TMEM135: variants seen among roughly 807,000 people sequenced by gnomAD.
The protein encoded by TMEM135 is peroxisomal membrane protein 52.
Under a neutral mutation model 60.3 loss-of-function variants are expected in TMEM135, and 30 were observed. The observed-to-expected ratio is 0.50, with a 90% CI of 0.37 to 0.68. The LOEUF (loss-of-function observed/expected upper bound fraction) is 0.68. Among genes scored for constraint, TMEM135 ranks in the 30% least tolerant of loss-of-function variants. TMEM135 has a pLI of 0.00. For missense variants in TMEM135, 468 were observed against 548.8 expected (o/e 0.85, Z 1.47); for synonymous variants, 190 against 186.7 (o/e 1.02, Z -0.14).
chr11:87,129,536 C>G, intron 4 of TMEM135, among the ~76,000 whole-genome samples: 1 of 117,604 alleles, frequency 8.5e-6, no homozygotes, highest in Admixed American at 9.4e-5. Flanking sequence ...ATCCACCATG[C>G]TTGGCCAATT....
intron 6 of TMEM135, among the ~76,000 whole-genome samples, chr11:87,260,506 G>A (rs577675): frequency 0.23 from 35,345 of 150,908 alleles, 4,409 homozygotes; most frequent in South Asian, 0.34. Context: ...TTAAAATTCC[G>A]GTCACTTTCC....
chr11:87,224,154 T>A (rs1940715195), intron 5 of TMEM135, among the ~76,000 whole-genome samples: 1 of 152,222 alleles, frequency 6.6e-6, no homozygotes. Flanking sequence ...TCATGTGCTG[T>A]AATTAAAACA....
chr11:87,288,080 A>C (rs924137315), intron 6 of TMEM135, among the ~76,000 whole-genome samples: 2 of 152,174 alleles, frequency 1.3e-5, no homozygotes, highest in African/African-American at 4.8e-5. Context: ...AACTCATCCA[A>C]CTTCAATAGG....
intron 1 of TMEM135, among the ~76,000 whole-genome samples, chr11:87,065,268 A>G (rs2135133509): frequency 6.6e-6 from 1 of 152,342 alleles, no homozygotes; most frequent in South Asian, 2.1e-4. Context: ...AAAACTGCTA[A>G]GCTGTTTTCC....
chr11:87,280,790 T>C (rs942868857), intron 6 of TMEM135, among the ~76,000 whole-genome samples: 3 of 152,194 alleles, frequency 2.0e-5, no homozygotes, highest in Non-Finnish European at 4.4e-5. Context: ...TAAATACTTA[T>C]GAAATACTTA....
intron 6 of TMEM135, among the ~76,000 whole-genome samples, chr11:87,290,748 A>G (rs1292622971): frequency 2.0e-5 from 3 of 151,986 alleles, no homozygotes; most frequent in Non-Finnish European, 4.4e-5. Flanking sequence ...ATTATGCAAC[A>G]TATTTCTTTT....
At chr11:87,051,461 A>G (rs1191063181) in intron 1 of TMEM135, among the ~76,000 whole-genome samples, 3 of 60,150 alleles carry the variant, frequency 5.0e-5, no homozygotes, top group Admixed American at 3.7e-4. Flanking sequence ...AAGCAACTTC[A>G]GCAAAGTCTC....
chr11:87,322,428 T>C lies in TMEM135; in HGVS notation c.*1095T>C, dbSNP rs1027718637. The C allele has an allele frequency of 1.1e-5, 5 of 453,960 alleles. No individual in the cohort carries two copies. The highest frequency in any genetic ancestry group is 1.4e-4 in the East Asian group (2 of 14,376). The allele number at this position is 453,960 out of a possible 1,614,324, so 28.1% of individuals were successfully genotyped here. On this transcript the variant is annotated 3_prime_UTR_variant, in exon 15 of 15. Coordinates refer to ENST00000305494, the MANE Select transcript of TMEM135 (RefSeq NM_022918.4). ...ATTGTCACCATTTTTACTGTTAGAA[T>C]AAAGAGGTGACACCATAAAGTCCTG...
intron 5 of TMEM135, among the ~76,000 whole-genome samples, chr11:87,205,117 A>G (rs762087209): frequency 1.2e-4 from 19 of 152,176 alleles, no homozygotes; most frequent in African/African-American, 3.1e-4. Context: ...ACTGTCATCT[A>G]TGTTCTTTAT....
chr11:87,215,803 A>T (rs1940487169), intron 5 of TMEM135, among the ~76,000 whole-genome samples: 1 of 152,144 alleles, frequency 6.6e-6, no homozygotes, highest in Non-Finnish European at 1.5e-5. Flanking sequence ...TTGATGCTTT[A>T]CTTTTCCTTT....
At chr11:87,085,390 G>A (rs1417345339) in intron 3 of TMEM135, among the ~76,000 whole-genome samples, 1 of 152,186 alleles carries the variant, frequency 6.6e-6, no homozygotes, top group Non-Finnish European at 1.5e-5. Context: ...GTATGTGAAG[G>A]CTTTAGTCTT....
intron 6 of TMEM135, 87 bp downstream of exon 6, chr11:87,236,771 A>G (rs1314102387): frequency 1.5e-6 from 2 of 1,313,764 alleles, no homozygotes; most frequent in Non-Finnish European, 2.2e-6. Flanking sequence ...GTATTCTCCA[A>G]ATAATTATCC....
chr11:87,186,199 C>G (rs1023534626), intron 5 of TMEM135, among the ~76,000 whole-genome samples: 2 of 152,166 alleles, frequency 1.3e-5, no homozygotes, highest in African/African-American at 2.4e-5. Flanking sequence ...GCCACCGTGC[C>G]CAGCTGTAGT....
intron 5 of TMEM135, among the ~76,000 whole-genome samples, chr11:87,172,005 G>A (rs1939249772): frequency 6.6e-6 from 1 of 152,110 alleles, no homozygotes; most frequent in African/African-American, 2.4e-5. Flanking sequence ...TTCCTAACAA[G>A]CCAGGGACCA....
rs377247398 is a variant in TMEM135 at position 87,079,378 on chromosome 11, G to A, written c.362+7763G>A. On this transcript the variant is annotated intron_variant, in intron 3 of 14. Coordinates refer to ENST00000305494, the MANE Select transcript of TMEM135 (RefSeq NM_022918.4). Reference sequence around the variant, plus strand: ...TTTCATCCATTTTGAATTAATTTTCGTCGGTAGTGTGAAGTAGAGAGTATT... The same window carrying A: ...TTTCATCCATTTTGAATTAATTTTCATCGGTAGTGTGAAGTAGAGAGTATT... 6.6e-5 allele frequency among the ~76,000 whole-genome samples: 10 copies of A among 152,220 alleles called. No individual in the cohort carries two copies. The East Asian group carries it at 7.7e-4, about 12-fold the overall frequency.
At chr11:87,237,083 A>C (rs531992650) in intron 6 of TMEM135, among the ~76,000 whole-genome samples, 1 of 151,990 alleles carries the variant, frequency 6.6e-6, no homozygotes. Flanking sequence ...GTAGATCTCT[A>C]TCTAAGCCTT....
chr11:87,157,118 A>G (rs1938721522), intron 4 of TMEM135, among the ~76,000 whole-genome samples: 1 of 146,074 alleles, frequency 6.8e-6, no homozygotes, highest in Non-Finnish European at 1.5e-5. Flanking sequence ...TCATCTAGGC[A>G]GTGGCTCAAT....
intron 10 of TMEM135, among the ~76,000 whole-genome samples, chr11:87,310,689 G>C (rs1942626408): frequency 6.6e-6 from 1 of 151,826 alleles, no homozygotes; most frequent in South Asian, 2.1e-4. Context: ...TGAGGACACA[G>C]GGAGAAGGTG....
intron 1 of TMEM135, among the ~76,000 whole-genome samples, chr11:87,040,189 C>T (rs960301112): frequency 1.3e-5 from 2 of 152,128 alleles, no homozygotes; most frequent in Admixed American, 6.5e-5. Flanking sequence ...GGACATATTG[C>T]GCATACTAAG....
Sources: gnomAD v4.1 joint callset for allele counts (sites outside exome capture counted in the v4.1 genomes callset) on GRCh38, gnomAD v4.1.1 for gene constraint, MANE v1.5 for transcripts, NCBI Gene and HGNC (gene_info 2026-07-23, HGNC 2026-07-21) for gene names.